The following FAF2 variants were observed in gnomAD, a reference collection of about 807,000 sequenced individuals.
FAF2 encodes the protein FAS-associated factor 2.
Under a neutral mutation model 62.3 loss-of-function variants are expected in FAF2, and 9 were observed. The ratio of observed to expected loss-of-function variants is 0.14; its 90% confidence interval spans 0.09 to 0.25. The LOEUF (loss-of-function observed/expected upper bound fraction) is 0.25, where lower values mean the gene tolerates loss of function less well. Among genes scored for constraint, FAF2 ranks in the 10% least tolerant of loss-of-function variants. The probability of loss-of-function intolerance (pLI) is 1.00; values close to 1 mark genes in which losing one functional copy is unlikely to be tolerated. For synonymous variants in FAF2, 202 were observed against 198.0 expected (o/e 1.02, Z -0.17); for missense variants, 368 against 556.2 (o/e 0.66, Z 3.40).
chr5:176,509,935 G>A lies in FAF2; in HGVS notation c.*2985G>A, dbSNP rs1581080764. 1 of 152,768 alleles carries A rather than the reference G, an allele frequency of 6.5e-6. No individual in the cohort carries two copies. Among genetic ancestry groups the A allele is most frequent in the South Asian group, 2.1e-4 (1 of 4,828 alleles). The allele number at this position is 152,768 out of a possible 1,614,324, so 9.5% of individuals were successfully genotyped here. A position where few individuals can be genotyped will look rare whatever the true frequency, so the allele number is the denominator to read the frequency against. On this transcript the variant is annotated 3_prime_UTR_variant, in exon 11 of 11. Transcript: ENST00000261942. ...CAGCAACGGAAATCCATCCACAAAG[G>A]ATGCAGTGCCCCAACTTGTACTGCG...
intron 1 of FAF2, among the ~76,000 whole-genome samples, chr5:176,466,941 C>A (rs2913730): frequency 0.5 from 75,717 of 151,134 alleles, 19,029 homozygotes; most frequent in Non-Finnish European, 0.52. Flanking sequence ...CCCACTGATA[C>A]TATCAGGCAA....
chr5:176,478,098 A>G (rs1758733503), intron 1 of FAF2, among the ~76,000 whole-genome samples: 1 of 152,240 alleles, frequency 6.6e-6, no homozygotes, highest in South Asian at 2.1e-4. Context: ...AAGGAATGCT[A>G]GAGTTTAGCT....
intron 1 of FAF2, among the ~76,000 whole-genome samples, chr5:176,467,038 G>C (rs57147654): frequency 0.087 from 13,289 of 152,158 alleles, 938 homozygotes; most frequent in East Asian, 0.28. Flanking sequence ...TCTCTGAAGG[G>C]AGGAGGAAGG....
At chr5:176,465,727 G>T (rs1411657582) in intron 1 of FAF2, among the ~76,000 whole-genome samples, 3 of 152,126 alleles carry the variant, frequency 2.0e-5, no homozygotes, top group African/African-American at 4.8e-5. Flanking sequence ...GGGCACAGTG[G>T]CTCATGCCTG....
At chr5:176,491,666 G>A (rs1015455295) in intron 4 of FAF2, among the ~76,000 whole-genome samples, 25 of 152,200 alleles carry the variant, frequency 1.6e-4, no homozygotes, top group Admixed American at 3.3e-4. Flanking sequence ...TGTGATGATA[G>A]AAACGTTCTG....
rs377372574 is a variant in FAF2 at position 176,451,726 on chromosome 5, GAT to G, written c.63+3267_63+3268del. Reference sequence around the variant, plus strand: ...GAATAATGGGTATGCGATATATATAGATATATATATATGTGTATATATGTATA... The same window carrying G: ...GAATAATGGGTATGCGATATATATAGATATATATATGTGTATATATGTATA... On this transcript the variant is annotated intron_variant, in intron 1 of 10. Transcript: ENST00000261942. Among the ~76,000 whole-genome samples the G allele has an allele frequency of 5.6e-3, 733 of 130,886 alleles. 11 individuals carry two copies. Among genetic ancestry groups the G allele is most frequent in the African/African-American group, 0.018 (652 of 35,302 alleles). 85.9% of individuals were successfully genotyped at this position (130,886 alleles called of 152,430 possible).
chr5:176,453,117 CT>C (rs1270414725), intron 1 of FAF2: 11 of 152,216 alleles, frequency 7.2e-5, no homozygotes, highest in African/African-American at 2.7e-4. Context: ...CAGTTCTCCA[CT>C]TCTGTTTATT....
At chr5:176,467,455 C>G (rs902244798) in intron 1 of FAF2, among the ~76,000 whole-genome samples, 1 of 152,034 alleles carries the variant, frequency 6.6e-6, no homozygotes, top group Non-Finnish European at 1.5e-5. Context: ...CTCAGCCACC[C>G]GAGTAGCTAG....
At chr5:176,501,054 G>C (rs1755582243) in intron 10 of FAF2, among the ~76,000 whole-genome samples, 1 of 152,030 alleles carries the variant, frequency 6.6e-6, no homozygotes, top group Non-Finnish European at 1.5e-5. Context: ...TTGAACCCGG[G>C]AGACGGAGGT....
chr5:176,449,401 C>G (rs1758125479), intron 1 of FAF2, among the ~76,000 whole-genome samples: 1 of 152,170 alleles, frequency 6.6e-6, no homozygotes, highest in Non-Finnish European at 1.5e-5. Flanking sequence ...ATGGTGAAAC[C>G]CCGTCTCTAC....
chr5:176,448,597 C>T lies in FAF2; in HGVS notation c.63+127C>T, dbSNP rs569347068. The stretch of plus-strand genomic sequence containing the variant: ...GACCAGCAGGCCGGCCCCCTCCCCC[C>T]CAGACTCCAACTGCCCTGATTCCCC... On this transcript the variant is annotated intron_variant, in intron 1 of 10. Transcript: ENST00000261942. The T allele has an allele frequency of 1.3e-4, 124 of 930,756 alleles. 1 individual carries two copies. The South Asian group carries it at 1.3e-3, about 10-fold the overall frequency. The allele number at this position is 930,756 out of a possible 1,614,324, so 57.7% of individuals were successfully genotyped here. A position where few individuals can be genotyped will look rare whatever the true frequency, so the allele number is the denominator to read the frequency against.
At chr5:176,465,527 C>T (rs1402692041) in intron 1 of FAF2, among the ~76,000 whole-genome samples, 1 of 151,862 alleles carries the variant, frequency 6.6e-6, no homozygotes, top group African/African-American at 2.4e-5. Context: ...GCCACCATGC[C>T]TGCCTAATTT....
At position 176,508,285 on chromosome 5, in the gene FAF2, G is replaced by A. The variant is rs545913627; in HGVS notation, c.*1335G>A. ...TCAGGCCATGTATTAACAGATGCCAGTGCGCTCTGACAAGTATTCCAAAGT... is the reference window on the plus strand; with the variant it reads ...TCAGGCCATGTATTAACAGATGCCAATGCGCTCTGACAAGTATTCCAAAGT... On this transcript the variant is annotated 3_prime_UTR_variant, in exon 11 of 11. Transcript: ENST00000261942. 6.6e-6 allele frequency: 1 copy of A among 152,284 alleles called. No homozygotes were observed. Among genetic ancestry groups the A allele is most frequent in the Non-Finnish European group, 1.5e-5 (1 of 68,046 alleles). The allele number at this position is 152,284 out of a possible 1,614,324, so 9.4% of individuals were successfully genotyped here. A position where few individuals can be genotyped will look rare whatever the true frequency, so the allele number is the denominator to read the frequency against.
At chr5:176,480,218 G>C (rs534752205) in intron 2 of FAF2, among the ~76,000 whole-genome samples, 78 of 151,906 alleles carry the variant, frequency 5.1e-4, no homozygotes, top group Non-Finnish European at 9.9e-4. Context: ...ACACCCTCTT[G>C]ATCCCAAATT....
At chr5:176,491,101 A>G (rs1273039062) in intron 4 of FAF2, among the ~76,000 whole-genome samples, 2 of 152,250 alleles carry the variant, frequency 1.3e-5, no homozygotes, top group Non-Finnish European at 2.9e-5. Context: ...AAGGAAAAGT[A>G]TCACAGTTTA....
chr5:176,453,677 A>G (rs945048123), intron 1 of FAF2: 10 of 152,124 alleles, frequency 6.6e-5, no homozygotes, highest in African/African-American at 2.4e-4. Context: ...CCAGGCAAAC[A>G]TGACTTAACT....
intron 1 of FAF2, among the ~76,000 whole-genome samples, chr5:176,470,944 C>T (rs1758557841): frequency 6.6e-6 from 1 of 152,088 alleles, no homozygotes; most frequent in Non-Finnish European, 1.5e-5. Context: ...ATCTCTTGTT[C>T]TTTTTAGATA....
Position 176,505,917 on chromosome 5 carries a change from T to G in FAF2, c.1156-851T>G, listed in dbSNP as rs890621554. ...GGCACGGTGGCTCACGCCTGTAATC[T>G]CAGCACTTTACGCCTGTAATCCCAG... is the stretch of plus-strand genomic sequence containing the variant. On this transcript the variant is annotated intron_variant, in intron 10 of 10. Transcript: ENST00000261942. Among the ~76,000 whole-genome samples the G allele has an allele frequency of 2.0e-5, 3 of 151,956 alleles. No individual in the cohort carries two copies. The East Asian group carries it at 5.8e-4, about 29-fold the overall frequency.
rs80045562 is a variant in FAF2 at position 176,507,036 on chromosome 5, C to T, written c.*86C>T. On this transcript the variant is annotated 3_prime_UTR_variant, in exon 11 of 11. Coordinates refer to ENST00000261942, the MANE Select transcript of FAF2 (RefSeq NM_014613.3). ...ACAACAGCAAGTCAGAAAAAAAAAA[C>T]AAGAGAGAGAAATTCATATTATTAT... The T allele has an allele frequency of 2.5e-5, 21 of 842,754 alleles. No individual in the cohort carries two copies. The East Asian group carries it at 6.0e-4, about 24-fold the overall frequency. 52.2% of individuals were successfully genotyped at this position (842,754 alleles called of 1,614,324 possible). A position where few individuals can be genotyped will look rare whatever the true frequency, so the allele number is the denominator to read the frequency against.
Sources: allele counts gnomAD v4.1 joint callset (sites outside exome capture counted in the v4.1 genomes callset), GRCh38; gene constraint gnomAD v4.1.1; transcripts MANE v1.5; gene names NCBI Gene and HGNC (gene_info 2026-07-23, HGNC 2026-07-21).